Variants in ANKFN1 observed in about 807,000 individuals in gnomAD.
ANKFN1 encodes the protein ankyrin repeat and fibronectin type III domain containing 1, also known as ankyrin repeat and fibronectin type-III domain-containing protein 1.
Under a neutral mutation model 108.7 loss-of-function variants are expected in ANKFN1, and 74 were observed. The observed-to-expected ratio is 0.68, with a 90% CI of 0.56 to 0.83. The LOEUF (loss-of-function observed/expected upper bound fraction) is 0.83. Among genes scored for constraint, ANKFN1 ranks in the 40% least tolerant of loss-of-function variants. ANKFN1 has a pLI of 0.00. For missense variants in ANKFN1, 1,505 were observed against 1,382.3 expected (o/e 1.09, Z -1.41); for synonymous variants, 547 against 516.2 (o/e 1.06, Z -0.81).
At chr17:56,086,572 G>A (rs1402549714) in intron 4 of ANKFN1, among the ~76,000 whole-genome samples, 2 of 151,248 alleles carry the variant, frequency 1.3e-5, no homozygotes, top group Non-Finnish European at 3.0e-5. Flanking sequence ...TTTTTATCAG[G>A]CTAGCCAGAG....
chr17:56,079,473 AGCTGACCT>A (rs2143159992), intron 4 of ANKFN1, among the ~76,000 whole-genome samples: 1 of 152,306 alleles, frequency 6.6e-6, no homozygotes, highest in South Asian at 2.1e-4. Context: ...AGCTCCTGGA[AGCTGACCT>A]GCCCCATTCA....
At chr17:56,268,126 A>G (rs79487068) in intron 3 of ANKFN1, among the ~76,000 whole-genome samples, 2,092 of 152,186 alleles carry the variant, frequency 0.014, 52 homozygotes, top group African/African-American at 0.047. Flanking sequence ...AACAAAATAT[A>G]CATTCTTCTC....
In ANKFN1 at chr17:56,516,440, G is replaced by T. The variant is rs2051919423; in HGVS notation, c.*5171G>T. On this transcript the variant is annotated 3_prime_UTR_variant, in exon 21 of 21. Coordinates refer to ENST00000682825, the MANE Select transcript of ANKFN1 (RefSeq NM_001370326.1). ...AGAATTTATTGTGTCTTATTGCTAT[G>T]TATGCAACTGAGTGTATGTTAAAGT... Among the ~76,000 whole-genome samples the T allele has an allele frequency of 6.6e-6, 1 of 152,118 alleles. No homozygotes were observed. Among genetic ancestry groups the T allele is most frequent in the Admixed American group, 6.6e-5 (1 of 15,262 alleles).
intron 4 of ANKFN1, among the ~76,000 whole-genome samples, chr17:56,138,506 T>C (rs1907722166): frequency 1.4e-5 from 2 of 141,888 alleles, no homozygotes; most frequent in Admixed American, 1.4e-4. Flanking sequence ...CATTTTTTTT[T>C]CTTTTCTTTT....
intron 4 of ANKFN1, among the ~76,000 whole-genome samples, chr17:56,060,421 T>C (rs957939735): frequency 2.6e-5 from 4 of 152,212 alleles, no homozygotes; most frequent in Non-Finnish European, 4.4e-5. Context: ...ATGCCCTTTA[T>C]GTATTTCTTT....
chr17:56,094,839 A>G (rs1464836252), intron 4 of ANKFN1, among the ~76,000 whole-genome samples: 1 of 150,796 alleles, frequency 6.6e-6, no homozygotes, highest in East Asian at 1.9e-4. Context: ...TATTAAATGG[A>G]TTCCAATATG....
chr17:56,289,119 T>C (rs1305397287), intron 3 of ANKFN1, among the ~76,000 whole-genome samples: 2 of 152,128 alleles, frequency 1.3e-5, no homozygotes, highest in Non-Finnish European at 2.9e-5. Context: ...TTTTCTCTCA[T>C]TGTTTCAAGA....
At chr17:56,047,924 C>T (rs190353439) in intron 4 of ANKFN1, among the ~76,000 whole-genome samples, 11 of 152,256 alleles carry the variant, frequency 7.2e-5, no homozygotes, top group African/African-American at 2.6e-4. Context: ...TTTATTTTTT[C>T]CCGTTACTAT....
intron 3 of ANKFN1, among the ~76,000 whole-genome samples, chr17:56,319,081 G>C (rs2045290052): frequency 6.6e-6 from 1 of 152,062 alleles, no homozygotes; most frequent in African/African-American, 2.4e-5. Flanking sequence ...AAAAAACATA[G>C]ACAAAGGAGG....
intron 15 of ANKFN1, among the ~76,000 whole-genome samples, chr17:56,470,513 T>C (rs1225262296): frequency 9.2e-5 from 14 of 152,136 alleles, no homozygotes; most frequent in Admixed American, 9.2e-4. Flanking sequence ...TAAGCAATGC[T>C]AGGCTGCCCT....
At chr17:56,128,723 T>C (rs906120253) in intron 4 of ANKFN1, among the ~76,000 whole-genome samples, 1 of 152,206 alleles carries the variant, frequency 6.6e-6, no homozygotes, top group African/African-American at 2.4e-5. Flanking sequence ...CTATGTCACT[T>C]TACTTAATCC....
At chr17:56,259,700 A>C (rs575560859) in intron 3 of ANKFN1, among the ~76,000 whole-genome samples, 16 of 152,334 alleles carry the variant, frequency 1.1e-4, no homozygotes, top group Non-Finnish European at 1.9e-4. Flanking sequence ...CTAGTTTGCC[A>C]GTGAGCTTGA....
At position 56,134,918 on chromosome 17, in the gene ANKFN1, G is replaced by A. The variant is rs547812404; in HGVS notation, c.288+88593G>A. ...TTTCTTCTGATGTGTTGTCCTGATGGACTCTTTGGGTAAAGTTGTGATTTC... is the reference window on the plus strand; with the variant it reads ...TTTCTTCTGATGTGTTGTCCTGATGAACTCTTTGGGTAAAGTTGTGATTTC... On this transcript the variant is annotated intron_variant, in intron 4 of 12. Coordinates refer to the ANKFN1 transcript ENST00000635860. Among the ~76,000 whole-genome samples, 3 of 152,246 alleles carry A rather than the reference G, an allele frequency of 2.0e-5. No individual in the cohort carries two copies. In the South Asian group the frequency reaches 6.2e-4, roughly 32 times the overall value.
intron 7 of ANKFN1, among the ~76,000 whole-genome samples, chr17:56,373,372 T>C (rs1171489146): frequency 6.6e-6 from 1 of 152,250 alleles, no homozygotes; most frequent in Non-Finnish European, 1.5e-5. Flanking sequence ...CAATTCTTTT[T>C]GTTAGTTTAA....
At chr17:56,319,933 C>A (rs1157270368) in intron 3 of ANKFN1, among the ~76,000 whole-genome samples, 1 of 151,992 alleles carries the variant, frequency 6.6e-6, no homozygotes, top group African/African-American at 2.4e-5. Flanking sequence ...TATTATTATA[C>A]ATATTATGTA....
chr17:56,510,853 G>T lies in ANKFN1; in HGVS notation c.3025G>T (p.Gly1009Cys). Residue 1009 changes from glycine to cysteine, a missense_variant, in exon 21 of 21, where the codon GGC becomes TGC. Transcript: ENST00000682825. ...KRKPGKHPHY[G>C]GFSRHHRWLR... ...GAAGCCAGGCAAGCACCCCCACTAT[G>T]GCGGCTTCAGCCGCCATCATCGCTG... is the stretch of plus-strand genomic sequence containing the variant. The T allele has an allele frequency of 1.3e-6, 2 of 1,536,116 alleles. No homozygotes were observed. The highest frequency in any genetic ancestry group is 1.7e-6 in the Non-Finnish European group (2 of 1,146,898).
chr17:56,340,431 T>A (rs1047363686), intron 4 of ANKFN1, among the ~76,000 whole-genome samples: 1 of 151,984 alleles, frequency 6.6e-6, no homozygotes, highest in African/African-American at 2.4e-5. Context: ...GTTTTTTTTA[T>A]AGTTTTGGGA....
At chr17:56,201,822 G>A (rs1028040720) in intron 1 of ANKFN1, among the ~76,000 whole-genome samples, 14 of 152,142 alleles carry the variant, frequency 9.2e-5, no homozygotes. Flanking sequence ...TTTCACAGGG[G>A]TAAAACCACT....
intron 8 of ANKFN1, among the ~76,000 whole-genome samples, chr17:56,411,145 TTCC>T (rs1160996169): frequency 6.6e-6 from 1 of 152,184 alleles, no homozygotes; most frequent in East Asian, 1.9e-4. Context: ...TGGGATGTCT[TTCC>T]ACCTATGTTT....
Sources: gnomAD v4.1 joint callset for allele counts (sites outside exome capture counted in the v4.1 genomes callset) on GRCh38, gnomAD v4.1.1 for gene constraint, MANE v1.5 for transcripts, NCBI Gene and HGNC (gene_info 2026-07-23, HGNC 2026-07-21) for gene names.